EPHA4: variants seen among roughly 807,000 people sequenced by gnomAD.
EPHA4 encodes EPH receptor A4.
Under a neutral mutation model 108.3 loss-of-function variants are expected in EPHA4, and 19 were observed. The observed-to-expected ratio is 0.18, with a 90% CI of 0.12 to 0.26. The LOEUF (loss-of-function observed/expected upper bound fraction) is 0.26. Among genes scored for constraint, EPHA4 ranks in the 10% least tolerant of loss-of-function variants. The pLI is 1.00. For missense variants in EPHA4, 917 were observed against 1,254.0 expected (o/e 0.73, Z 4.06); for synonymous variants, 449 against 455.5 (o/e 0.99, Z 0.18).
At position 221,490,250 on chromosome 2, in the gene EPHA4, C is replaced by A. The variant is rs182674487; in HGVS notation, c.980-7560G>T. ...AGAGAGAAAAAATGGCAATCACATGCTAAAATGTAAAAAAAAAAAAAGAAA... is the reference window on the plus strand; with the variant it reads ...AGAGAGAAAAAATGGCAATCACATGATAAAATGTAAAAAAAAAAAAAGAAA... On this transcript the variant is annotated intron_variant, in intron 4 of 17. Coordinates refer to ENST00000281821, the MANE Select transcript of EPHA4 (RefSeq NM_004438.5). Among the ~76,000 whole-genome samples, 100 of 144,660 alleles carry A rather than the reference C, an allele frequency of 6.9e-4. 1 individual carries two copies. The highest frequency in any genetic ancestry group is 2.5e-3 in the African/African-American group (97 of 38,682). 94.9% of individuals were successfully genotyped at this position (144,660 alleles called of 152,430 possible). A position where few individuals can be genotyped will look rare whatever the true frequency, so the allele number is the denominator to read the frequency against.
chr2:221,424,186 A>G (rs1689832105), intron 17 of EPHA4, among the ~76,000 whole-genome samples: 1 of 151,744 alleles, frequency 6.6e-6, no homozygotes, highest in African/African-American at 2.4e-5. Flanking sequence ...AAAGTCCTAC[A>G]TTTGTCAGCT....
intron 4 of EPHA4, among the ~76,000 whole-genome samples, chr2:221,496,632 G>A (rs1559266241): frequency 6.6e-6 from 1 of 152,198 alleles, no homozygotes; most frequent in Non-Finnish European, 1.5e-5. Flanking sequence ...TGTTGGCCGG[G>A]TGTGGTGGCT....
intron 3 of EPHA4, among the ~76,000 whole-genome samples, chr2:221,527,713 A>G (rs1344964136): frequency 6.6e-6 from 1 of 152,192 alleles, no homozygotes; most frequent in Non-Finnish European, 1.5e-5. Flanking sequence ...TCAGTTCTGA[A>G]GATATCAGCG....
At chr2:221,553,718 C>T (rs1020148209) in intron 3 of EPHA4, among the ~76,000 whole-genome samples, 1 of 152,182 alleles carries the variant, frequency 6.6e-6, no homozygotes, top group Non-Finnish European at 1.5e-5. Flanking sequence ...TTTCGCCTTG[C>T]TTCTAAATTG....
intron 3 of EPHA4, among the ~76,000 whole-genome samples, chr2:221,527,774 C>A (rs1693382886): frequency 6.6e-6 from 1 of 152,100 alleles, no homozygotes; most frequent in African/African-American, 2.4e-5. Context: ...ATTATTATTA[C>A]CATTTTACAG....
At chr2:221,517,913 G>T (rs994516097) in intron 3 of EPHA4, among the ~76,000 whole-genome samples, 1 of 152,178 alleles carries the variant, frequency 6.6e-6, no homozygotes, top group Non-Finnish European at 1.5e-5. Context: ...GAAGCCAGCC[G>T]AGGGGCCAGC....
At chr2:221,449,671 C>A (rs913601882) in intron 8 of EPHA4, among the ~76,000 whole-genome samples, 2 of 152,154 alleles carry the variant, frequency 1.3e-5, no homozygotes, top group African/African-American at 4.8e-5. Flanking sequence ...ACGTGCTGTT[C>A]CTGGCACCTT....
intron 5 of EPHA4, among the ~76,000 whole-genome samples, chr2:221,468,272 TAACC>T (rs1199886105): frequency 6.6e-6 from 1 of 150,530 alleles, no homozygotes; most frequent in Non-Finnish European, 1.5e-5. Context: ...TTTAAACAAA[TAACC>T]AACAAAAAAA....
chr2:221,537,522 C>G (rs1448801923), intron 3 of EPHA4, among the ~76,000 whole-genome samples: 1 of 152,236 alleles, frequency 6.6e-6, no homozygotes, highest in Non-Finnish European at 1.5e-5. Context: ...CACAGTGGCT[C>G]ACATCTGTAA....
At chr2:221,484,244 A>G (rs1235970310) in intron 4 of EPHA4, among the ~76,000 whole-genome samples, 2 of 152,176 alleles carry the variant, frequency 1.3e-5, no homozygotes, top group Non-Finnish European at 2.9e-5. Flanking sequence ...AAGAAATCAT[A>G]TTCAATATTT....
At chr2:221,537,303 CA>C (rs1319418162) in intron 3 of EPHA4, among the ~76,000 whole-genome samples, 1 of 152,214 alleles carries the variant, frequency 6.6e-6, no homozygotes, top group Non-Finnish European at 1.5e-5. Context: ...AAAGTACACT[CA>C]AAGCAATTTA....
At chr2:221,528,109 C>T (rs1257533830) in intron 3 of EPHA4, among the ~76,000 whole-genome samples, 1 of 149,692 alleles carries the variant, frequency 6.7e-6, no homozygotes. Flanking sequence ...TTATGCCTGT[C>T]TCATTCTCTC....
intron 6 of EPHA4, 123 bp downstream of exon 6, chr2:221,457,743 G>T: frequency 9.1e-7 from 1 of 1,102,166 alleles, no homozygotes; most frequent in Non-Finnish European, 1.3e-6. Context: ...ATGGGAAGGA[G>T]TCGAGGAAAG....
chr2:221,456,491 T>C, intron 7 of EPHA4, 122 bp downstream of exon 7: 2 of 926,288 alleles, frequency 2.2e-6, no homozygotes, highest in East Asian at 2.6e-5. Flanking sequence ...GACATATTCA[T>C]TGCAGCAAAA....
chr2:221,511,687 A>AT (rs1222416625), intron 3 of EPHA4, among the ~76,000 whole-genome samples: 10 of 152,222 alleles, frequency 6.6e-5, no homozygotes, highest in African/African-American at 2.4e-4. Context: ...GGAATTTTTG[A>AT]TTAATCACAA....
At chr2:221,486,956 T>G (rs1691995266) in intron 4 of EPHA4, among the ~76,000 whole-genome samples, 1 of 152,118 alleles carries the variant, frequency 6.6e-6, no homozygotes, top group African/African-American at 2.4e-5. Context: ...GCTGTACTAG[T>G]CAACTTTTCA....
At chr2:221,495,001 CAAA>C (rs5838887) in intron 4 of EPHA4, among the ~76,000 whole-genome samples, 2 of 85,512 alleles carry the variant, frequency 2.3e-5, no homozygotes, top group Non-Finnish European at 2.3e-5. Flanking sequence ...GCAATGTTGC[CAAA>C]AAAAAAAAAA....
intron 3 of EPHA4, among the ~76,000 whole-genome samples, chr2:221,515,990 T>A (rs1692977870): frequency 6.8e-6 from 1 of 148,048 alleles, no homozygotes; most frequent in Non-Finnish European, 1.5e-5. Flanking sequence ...AAGTCATAAA[T>A]CCTTCCCCCA....
At chr2:221,547,707 G>C (rs1694040264) in intron 3 of EPHA4, among the ~76,000 whole-genome samples, 1 of 152,126 alleles carries the variant, frequency 6.6e-6, no homozygotes, top group Non-Finnish European at 1.5e-5. Context: ...AGAATGCAAG[G>C]CACTGGGGGA....
Sources: gnomAD v4.1 joint callset for allele counts (sites outside exome capture counted in the v4.1 genomes callset) on GRCh38, gnomAD v4.1.1 for gene constraint, MANE v1.5 for transcripts, NCBI Gene and HGNC (gene_info 2026-07-23, HGNC 2026-07-21) for gene names.